USP32: variants seen among roughly 807,000 people sequenced by gnomAD.
The protein encoded by USP32 is ubiquitin specific peptidase 32.
A neutral mutation model predicts 204.8 loss-of-function variants in USP32; 59 were observed. The ratio of observed to expected loss-of-function variants is 0.29; its 90% CI spans 0.23 to 0.36. USP32 has a LOEUF of 0.36. Among genes scored for constraint, USP32 ranks in the 10% least tolerant of loss-of-function variants. The pLI is 1.00. For synonymous variants in USP32, 517 were observed against 678.4 expected (o/e 0.76, Z 3.70); for missense variants, 1,160 against 1,946.4 (o/e 0.60, Z 7.60).
chr17:60,357,544 T>C (rs937734465), intron 1 of USP32, among the ~76,000 whole-genome samples: 17 of 152,070 alleles, frequency 1.1e-4, no homozygotes, highest in African/African-American at 3.9e-4. Context: ...TAAAAATATA[T>C]ATATGTAGAT....
At chr17:60,288,774 A>G (rs1331283283) in intron 4 of USP32, 92 bp from the exon 5 acceptor site, 3 of 1,036,644 alleles carry the variant, frequency 2.9e-6, no homozygotes, top group African/African-American at 1.6e-5. Flanking sequence ...TTAGTTGGCA[A>G]TTACCTTTCT....
Position 60,214,984 on chromosome 17 carries a change from T to G in USP32, c.1868-210A>C, listed in dbSNP as rs556082820. Among the ~76,000 whole-genome samples the G allele has an allele frequency of 4.7e-4, 71 of 152,260 alleles. 1 individual carries two copies. Among genetic ancestry groups the G allele is most frequent in the African/African-American group, 1.5e-3 (64 of 41,560 alleles). On this transcript the variant is annotated intron_variant, in intron 16 of 33. Coordinates refer to ENST00000300896, the MANE Select transcript of USP32 (RefSeq NM_032582.4). ...GTTTGTTTGTTTGTTTGTTTGTTTT[T>G]AATAGATGGAGTCTTGTTATGTTGC... is the stretch of plus-strand genomic sequence containing the variant.
intron 14 of USP32, 128 bp from the exon 15 acceptor site, chr17:60,222,677 A>ATTT (rs373799936): frequency 1.6e-3 from 767 of 469,882 alleles, no homozygotes; most frequent in Non-Finnish European, 1.9e-3. Context: ...GAAAAACTTA[A>ATTT]TTTTTTTTTT....
At chr17:60,306,683 G>C (rs1203210625) in intron 2 of USP32, among the ~76,000 whole-genome samples, 1 of 151,994 alleles carries the variant, frequency 6.6e-6, no homozygotes, top group African/African-American at 2.4e-5. Flanking sequence ...GGAAAGGCCA[G>C]AGCAATCAGG....
intron 15 of USP32, among the ~76,000 whole-genome samples, chr17:60,220,611 T>C (rs1426147276): frequency 1.3e-5 from 2 of 151,942 alleles, no homozygotes; most frequent in African/African-American, 4.8e-5. Context: ...ATCAATTTCA[T>C]ATTCTAAAAG....
intron 5 of USP32, among the ~76,000 whole-genome samples, chr17:60,282,417 A>C (rs1288202618): frequency 6.6e-6 from 1 of 152,112 alleles, no homozygotes; most frequent in Non-Finnish European, 1.5e-5. Context: ...GCAGTGGTGC[A>C]ATCTCGGCTC....
intron 1 of USP32, among the ~76,000 whole-genome samples, chr17:60,403,518 C>T (rs2089952067): frequency 6.6e-6 from 1 of 152,148 alleles, no homozygotes; most frequent in African/African-American, 2.4e-5. Context: ...TCTTCTAAAA[C>T]AGCCTTGAGG....
At chr17:60,421,947 G>T in intron 1 of USP32, 1 of 985,388 alleles carries the variant, frequency 1.0e-6, no homozygotes. Flanking sequence ...CGCGGGGAGG[G>T]TTACAGAGCC....
intron 26 of USP32, among the ~76,000 whole-genome samples, chr17:60,199,993 A>G (rs549650307): frequency 3.5e-4 from 53 of 152,248 alleles, no homozygotes; most frequent in African/African-American, 1.2e-3. Flanking sequence ...CAGGAGTTCG[A>G]GACCAGCCTG....
In USP32 at chr17:60,226,246, T is replaced by C; in HGVS notation, c.1240-15A>G. 1 of 1,522,204 alleles carries C rather than the reference T, an allele frequency of 6.6e-7. No individual in the cohort carries two copies. Among genetic ancestry groups the C allele is most frequent in the Non-Finnish European group, 8.8e-7 (1 of 1,141,916 alleles). The allele number at this position is 1,522,204 out of a possible 1,614,324, so 94.3% of individuals were successfully genotyped here. On this transcript the variant is annotated splice_polypyrimidine_tract_variant and intron_variant, in intron 12 of 33. Transcript: ENST00000300896. ...GGGTTGGCATCCTAAAATCAGGAAATCAGAGAATAAGAAGCAAAGTTTATA... is the reference window on the plus strand; with the variant it reads ...GGGTTGGCATCCTAAAATCAGGAAACCAGAGAATAAGAAGCAAAGTTTATA...
intron 26 of USP32, among the ~76,000 whole-genome samples, chr17:60,201,806 C>T (rs2084683565): frequency 6.6e-6 from 1 of 151,920 alleles, no homozygotes; most frequent in Non-Finnish European, 1.5e-5. Context: ...CTACATGTGC[C>T]CACCATCACG....
chr17:60,321,391 A>T (rs914597043), intron 2 of USP32, among the ~76,000 whole-genome samples: 6 of 152,186 alleles, frequency 3.9e-5, no homozygotes, highest in Non-Finnish European at 8.8e-5. Flanking sequence ...ATTATCAAGG[A>T]TCTGATAAAA....
At position 60,236,139 on chromosome 17, in the gene USP32, T is replaced by C. The variant is rs759600168; in HGVS notation, c.1238A>G (p.Tyr413Cys). Residue 413 changes from tyrosine (Y) to cysteine (C), a missense_variant and splice_region_variant, in exon 12 of 34, where the codon TAC (tyrosine) becomes TGC (cysteine). Coordinates refer to ENST00000300896, the MANE Select transcript of USP32 (RefSeq NM_032582.4). ...TAAATAGACAGGAATCTAACTCACGTATTTGACATATTCTTTCCACTGTTG... is the reference window on the plus strand; with the variant it reads ...TAAATAGACAGGAATCTAACTCACGCATTTGACATATTCTTTCCACTGTTG... ...WWQQWKEYVK[Y>C]DANPVVIEPS... 1.2e-6 allele frequency: 2 copies of C among 1,612,842 alleles called. No homozygotes were observed. The highest frequency in any genetic ancestry group is 2.2e-5 in the East Asian group (1 of 44,874).
At chr17:60,269,578 C>G (rs1006153186) in intron 6 of USP32, 21 bp from the exon 7 acceptor site, 2 of 1,560,020 alleles carry the variant, frequency 1.3e-6, no homozygotes, top group Non-Finnish European at 1.7e-6. Context: ...GGAAGAGATG[C>G]CATAAATCAC....
rs1386077979 is a variant in USP32 at position 60,177,872 on chromosome 17, A to G, written c.*1383T>C. Among the ~76,000 whole-genome samples the G allele has an allele frequency of 6.6e-6, 1 of 152,208 alleles. No individual in the cohort carries two copies. The highest frequency in any genetic ancestry group is 2.4e-5 in the African/African-American group (1 of 41,452). ...GAAGAAAGGGTAGTGGAATCTGACA[A>G]TTAATGAGAATCAACTTGCAGGGTC... On this transcript the variant is annotated 3_prime_UTR_variant, in exon 34 of 34. Coordinates refer to ENST00000300896, the MANE Select transcript of USP32 (RefSeq NM_032582.4).
At chr17:60,226,995 G>A (rs7212689) in intron 12 of USP32, among the ~76,000 whole-genome samples, 6,256 of 135,022 alleles carry the variant, frequency 0.046, 500 homozygotes, top group African/African-American at 0.17. Context: ...CTGAGATTGC[G>A]CCACTGTACT....
intron 18 of USP32, 113 bp from the exon 19 acceptor site, chr17:60,212,211 G>C: frequency 1.2e-6 from 1 of 852,104 alleles, no homozygotes; most frequent in East Asian, 2.7e-5. Context: ...TTAAAATCTA[G>C]TTAATTTTAG....
chr17:60,341,835 C>A (rs1043564640), intron 2 of USP32, among the ~76,000 whole-genome samples: 1 of 152,100 alleles, frequency 6.6e-6, no homozygotes, highest in Non-Finnish European at 1.5e-5. Context: ...AGCTTCCTTG[C>A]GATGGGTTCG....
At chr17:60,333,418 G>A (rs906523813) in intron 2 of USP32, among the ~76,000 whole-genome samples, 3 of 152,102 alleles carry the variant, frequency 2.0e-5, no homozygotes, top group Non-Finnish European at 4.4e-5. Context: ...GGCCAACATG[G>A]TGAAACCCCC....
Sources: gnomAD v4.1 joint callset for allele counts (sites outside exome capture counted in the v4.1 genomes callset) on GRCh38, gnomAD v4.1.1 for gene constraint, MANE v1.5 for transcripts, NCBI Gene and HGNC (gene_info 2026-07-23, HGNC 2026-07-21) for gene names.